GLIS1: variants seen among roughly 807,000 people sequenced by gnomAD.
GLIS1 encodes the protein GLIS family zinc finger 1, also known as zinc finger protein GLIS1.
Under a neutral mutation model 63.8 loss-of-function variants are expected in GLIS1, and 24 were observed. The ratio of observed to expected loss-of-function variants is 0.38; its 90% confidence interval spans 0.27 to 0.53. The LOEUF (loss-of-function observed/expected upper bound fraction) is 0.53, where lower values mean the gene tolerates loss of function less well. Among genes scored for constraint, GLIS1 ranks in the 20% least tolerant of loss-of-function variants. The probability of loss-of-function intolerance (pLI) is 0.85; values close to 1 mark genes in which losing one functional copy is unlikely to be tolerated. For missense variants in GLIS1, 1,036 were observed against 1,074.1 expected (o/e 0.96, Z 0.50); for synonymous variants, 450 against 482.5 (o/e 0.93, Z 0.88).
intron 4 of GLIS1, among the ~76,000 whole-genome samples, chr1:53,554,688 C>A (rs960259815): frequency 3.3e-5 from 5 of 152,132 alleles, no homozygotes; most frequent in African/African-American, 9.6e-5. Context: ...GGGGTCACAG[C>A]AGGGACAGCA....
At chr1:53,543,452 G>T (rs1034254486) in intron 4 of GLIS1, among the ~76,000 whole-genome samples, 1 of 152,226 alleles carries the variant, frequency 6.6e-6, no homozygotes, top group African/African-American at 2.4e-5. Context: ...CCCCTGAGGA[G>T]TGAGAGCAGC....
chr1:53,569,036 A>C (rs1235569751), intron 4 of GLIS1, among the ~76,000 whole-genome samples: 2 of 152,218 alleles, frequency 1.3e-5, no homozygotes, highest in Non-Finnish European at 2.9e-5. Flanking sequence ...GCATATTACT[A>C]AATGAAATAT....
At chr1:53,616,158 C>A (rs1005987555) in intron 2 of GLIS1, among the ~76,000 whole-genome samples, 4 of 152,186 alleles carry the variant, frequency 2.6e-5, no homozygotes, top group African/African-American at 9.7e-5. Flanking sequence ...TTCCATGATT[C>A]TCTGATCCCA....
chr1:53,725,573 G>A (rs956769162), intron 2 of GLIS1, among the ~76,000 whole-genome samples: 2 of 152,186 alleles, frequency 1.3e-5, no homozygotes, highest in African/African-American at 2.4e-5. Flanking sequence ...AGCCTGAAGG[G>A]GGAACCTGCA....
At chr1:53,524,912 G>A in intron 5 of GLIS1, 25 bp from the exon 6 acceptor site, 1 of 1,548,922 alleles carries the variant, frequency 6.5e-7, no homozygotes, top group Non-Finnish European at 8.9e-7. Context: ...GCACGGGTGG[G>A]GTGAGTGAGG....
rs571914658 is a variant in GLIS1 at position 53,537,198 on chromosome 1, G to C, written c.1321-7246C>G. The stretch of plus-strand genomic sequence containing the variant: ...GACCCCTCAAGCTCTGGCTTGGGGA[G>C]GGGGAGGGCTGAAGCCCAAGATCCG... On this transcript the variant is annotated intron_variant, in intron 4 of 10. Transcript: ENST00000628545. Among the ~76,000 whole-genome samples, 82 of 152,346 alleles carry C rather than the reference G, an allele frequency of 5.4e-4. 1 individual carries two copies. The highest frequency in any genetic ancestry group is 1.0e-3 in the Non-Finnish European group (68 of 68,034).
At chr1:53,569,182 T>C (rs928293151) in intron 4 of GLIS1, among the ~76,000 whole-genome samples, 3 of 152,230 alleles carry the variant, frequency 2.0e-5, no homozygotes, top group Non-Finnish European at 4.4e-5. Context: ...AGAGGACTTT[T>C]AGAGCAGAAA....
rs1005912708 is a variant in GLIS1 at position 53,639,890 on chromosome 1, A to G, written c.260-39612T>C. ...TTTAAAAGCTGTGGCTTTGCTGCTA[A>G]TAGTCCTGGGTTCAAATCCCAAGTC... On this transcript the variant is annotated intron_variant, in intron 2 of 10. Coordinates refer to ENST00000628545, the MANE Select transcript of GLIS1 (RefSeq NM_001367484.1). The surrounding 1 kb of genome is among the most constrained non-coding windows in gnomAD (Gnocchi z 4.6). Among the ~76,000 whole-genome samples the G allele has an allele frequency of 2.6e-5, 4 of 152,184 alleles. No homozygotes were observed. Among genetic ancestry groups the G allele is most frequent in the African/African-American group, 9.7e-5 (4 of 41,446 alleles).
intron 4 of GLIS1, among the ~76,000 whole-genome samples, chr1:53,575,563 C>T (rs962878560): frequency 6.6e-6 from 1 of 152,220 alleles, no homozygotes; most frequent in African/African-American, 2.4e-5. Context: ...CCTGTCTTCC[C>T]TCAGGGTATC....
At chr1:53,736,384 C>A (rs985625676) in intron 2 of GLIS1, among the ~76,000 whole-genome samples, 2 of 152,180 alleles carry the variant, frequency 1.3e-5, no homozygotes, top group Non-Finnish European at 2.9e-5. Context: ...GCTAGGTCTG[C>A]AGAGAACTCG....
chr1:53,715,444 T>C (rs1398617462), intron 2 of GLIS1, among the ~76,000 whole-genome samples: 2 of 152,182 alleles, frequency 1.3e-5, no homozygotes, highest in Non-Finnish European at 2.9e-5. Context: ...GGACACTGCA[T>C]CTGCCTTGGA....
intron 4 of GLIS1, among the ~76,000 whole-genome samples, chr1:53,563,970 G>A (rs532041442): frequency 6.6e-6 from 1 of 152,282 alleles, no homozygotes; most frequent in African/African-American, 2.4e-5. Context: ...AAATGAGGAC[G>A]AAAGAAAGAG....
intron 7 of GLIS1, 90 bp downstream of exon 7, chr1:53,520,544 C>T (rs185137891): frequency 2.4e-4 from 332 of 1,382,218 alleles, no homozygotes; most frequent in East Asian, 1.7e-3. Context: ...CCCATGTGGG[C>T]GGCCCACTGA....
chr1:53,517,353 G>A (rs1182225358), intron 7 of GLIS1, among the ~76,000 whole-genome samples: 1 of 152,188 alleles, frequency 6.6e-6, no homozygotes, highest in Non-Finnish European at 1.5e-5. Context: ...TGTCTGTCCA[G>A]CCACTGCCTA....
At chr1:53,550,181 G>GA (rs1366936816) in intron 4 of GLIS1, among the ~76,000 whole-genome samples, 5 of 152,316 alleles carry the variant, frequency 3.3e-5, no homozygotes, top group African/African-American at 1.2e-4. Context: ...GGTGGAAAAG[G>GA]AATTTCCTTC....
intron 2 of GLIS1, among the ~76,000 whole-genome samples, chr1:53,603,786 G>A (rs1645342741): frequency 6.6e-6 from 1 of 152,268 alleles, no homozygotes; most frequent in South Asian, 2.1e-4. Context: ...CCATGCAAAT[G>A]AAGCTCCTTT....
intron 6 of GLIS1, among the ~76,000 whole-genome samples, chr1:53,521,801 G>A (rs1644411974): frequency 6.6e-6 from 1 of 152,258 alleles, no homozygotes; most frequent in Non-Finnish European, 1.5e-5. Flanking sequence ...TCCAGAGCCA[G>A]GATGGGAACA....
intron 6 of GLIS1, among the ~76,000 whole-genome samples, chr1:53,522,815 G>A (rs1644423345): frequency 6.6e-6 from 1 of 152,032 alleles, no homozygotes; most frequent in Non-Finnish European, 1.5e-5. Flanking sequence ...TCAGGAGGCT[G>A]AGGCAGGAGG....
intron 4 of GLIS1, among the ~76,000 whole-genome samples, chr1:53,566,519 G>A (rs1157310355): frequency 2.6e-5 from 4 of 152,148 alleles, no homozygotes; most frequent in Non-Finnish European, 5.9e-5. Context: ...GATGTACTTA[G>A]GTATAAATCT....
Sources: allele counts gnomAD v4.1 joint callset (sites outside exome capture counted in the v4.1 genomes callset), GRCh38; gene constraint gnomAD v4.1.1; non-coding constraint Gnocchi (gnomAD v3.1); transcripts MANE v1.5; gene names NCBI Gene and HGNC (gene_info 2026-07-23, HGNC 2026-07-21).